ODF2: variants seen among roughly 807,000 people sequenced by gnomAD.
ODF2 encodes the protein outer dense fiber of sperm tails 2.
A neutral mutation model predicts 110.2 loss-of-function variants in ODF2; 47 were observed. The ratio of observed to expected loss-of-function variants is 0.43; its 90% CI spans 0.34 to 0.54. The LOEUF (loss-of-function observed/expected upper bound fraction) is 0.54, where lower values mean the gene tolerates loss of function less well. Among genes scored for constraint, ODF2 ranks in the 20% least tolerant of loss-of-function variants. ODF2 has a pLI of 0.03. For synonymous variants in ODF2, 352 were observed against 397.7 expected (o/e 0.89, Z 1.37); for missense variants, 812 against 1,054.5 (o/e 0.77, Z 3.19).
chr9:128,493,739 T>C (rs892255978), intron 16 of ODF2, among the ~76,000 whole-genome samples: 2 of 152,206 alleles, frequency 1.3e-5, no homozygotes, highest in African/African-American at 4.8e-5. Context: ...TCCCTTTCCC[T>C]CTGACCTGTA....
intron 1 of ODF2, chr9:128,456,469 C>T: frequency 3.9e-6 from 6 of 1,520,096 alleles, no homozygotes; most frequent in Non-Finnish European, 5.3e-6. Flanking sequence ...CGGTCGGCCG[C>T]CTCCTTCCTC....
chr9:128,469,203 G>T, exon 5 of ODF2: 1 of 1,613,968 alleles, frequency 6.2e-7, no homozygotes. Context: ...ATTGCCTGGA[G>T]ATCACGCCAC....
chr9:128,484,669 T>G, intron 11 of ODF2, 32 bp from the exon 12 acceptor site: 1 of 1,550,628 alleles, frequency 6.4e-7, no homozygotes, highest in African/African-American at 1.4e-5. Flanking sequence ...GTCTCTCTTC[T>G]CCCTCTCTTT....
At position 128,475,790 on chromosome 9, in the gene ODF2, C is replaced by T. The variant is rs572707226; in HGVS notation, c.843+2049C>T. 1.2e-4 allele frequency among the ~76,000 whole-genome samples: 18 copies of T among 151,930 alleles called. No homozygotes were observed. The South Asian group carries it at 3.6e-3, about 30-fold the overall frequency. On this transcript the variant is annotated intron_variant, in intron 8 of 20. Coordinates refer to ENST00000604420, the Ensembl canonical transcript of ODF2. Reference sequence around the variant, plus strand: ...CCTCCTGAGTAGCTGGGACTACAAGCGTGCACCACCATGCCCGGCTAATTT... The same window carrying T: ...CCTCCTGAGTAGCTGGGACTACAAGTGTGCACCACCATGCCCGGCTAATTT...
rs1208882767 is a variant in ODF2, at chr9:128,494,513, C to T, written c.1756C>T (p.Arg586Ter). The T allele has an allele frequency of 6.2e-7, 1 of 1,613,920 alleles. No homozygotes were observed. Among genetic ancestry groups the T allele is most frequent in the Non-Finnish European group, 8.5e-7 (1 of 1,179,930 alleles). Residue 586 changes from arginine to a stop codon, truncating the protein, a stop_gained, in exon 17 of 21, where the codon CGA becomes TGA. Transcript: ENST00000604420. LOFTEE classifies it high-confidence loss of function. The surrounding 1 kb of genome is among the most constrained non-coding windows in gnomAD (Gnocchi z 4.6). ...GGGTCTTTCCTTCCTGTTTCAGGCACGAAGGCAGTTCCAGTCTCAGCTGGC... is the reference window on the plus strand; with the variant it reads ...GGGTCTTTCCTTCCTGTTTCAGGCATGAAGGCAGTTCCAGTCTCAGCTGGC...
intron 5 of ODF2, among the ~76,000 whole-genome samples, chr9:128,470,215 T>C (rs1260422964): frequency 6.7e-6 from 1 of 149,872 alleles, no homozygotes; most frequent in Non-Finnish European, 1.5e-5. Context: ...ATCCAGGCCT[T>C]AGACTTGGAT....
intron 1 of ODF2, chr9:128,457,173 C>T (rs1306552807): frequency 6.6e-7 from 1 of 1,509,906 alleles, no homozygotes; most frequent in South Asian, 1.2e-5. Flanking sequence ...CGCTCAGCCT[C>T]TACTATTTCC....
intron 4 of ODF2, among the ~76,000 whole-genome samples, chr9:128,466,215 C>T (rs1837849448): frequency 1.3e-5 from 2 of 152,070 alleles, no homozygotes; most frequent in African/African-American, 4.8e-5. Context: ...CCTGTAATCC[C>T]AGCACTTTGG....
chr9:128,498,374 T>C (rs765052788), intron 18 of ODF2, 39 bp from the exon 19 acceptor site: 1 of 1,496,362 alleles, frequency 6.7e-7, no homozygotes, highest in Admixed American at 2.3e-5. Flanking sequence ...CATGACAGGT[T>C]GGGGTATGCC....
rs1039072188 is a variant in ODF2, at chr9:128,456,549, G to T, written c.-209+294G>T. 2.0e-6 allele frequency: 3 copies of T among 1,527,390 alleles called. No individual in the cohort carries two copies. The African/African-American group carries it at 4.2e-5, about 21-fold the overall frequency. 94.6% of individuals were successfully genotyped at this position (1,527,390 alleles called of 1,614,324 possible). A position where few individuals can be genotyped will look rare whatever the true frequency, so the allele number is the denominator to read the frequency against. On this transcript the variant is annotated intron_variant, in intron 1 of 20. Transcript: ENST00000604420. ...CAGGGCTTCACCTTTCTCTCTATGG[G>T]CAGAAACCGGTACCCTCCTGCCTGC... is the stretch of plus-strand genomic sequence containing the variant.
chr9:128,456,014 C>CG (rs1404250066), upstream of ODF2: 20 of 1,423,616 alleles, frequency 1.4e-5, no homozygotes, highest in Non-Finnish European at 1.7e-5. Flanking sequence ...TCTGGCGGGG[C>CG]GGGGCATCTC....
intron 20 of ODF2, 127 bp downstream of exon 20, chr9:128,499,253 C>A: frequency 9.0e-7 from 1 of 1,113,512 alleles, no homozygotes; most frequent in Non-Finnish European, 1.3e-6. Context: ...TTTCTCCAAT[C>A]ACTTTCTATC....
At chr9:128,467,069 A>G (rs1488574731) in intron 4 of ODF2, among the ~76,000 whole-genome samples, 2 of 119,364 alleles carry the variant, frequency 1.7e-5, no homozygotes, top group African/African-American at 3.1e-5. Flanking sequence ...TCATATATCA[A>G]TTAACAATGG....
intron 2 of ODF2, among the ~76,000 whole-genome samples, chr9:128,458,481 A>G (rs937942961): frequency 8.2e-5 from 12 of 146,782 alleles, no homozygotes; most frequent in Non-Finnish European, 1.5e-4. Context: ...AAAAAAAAAA[A>G]GGCCAGGAGA....
chr9:128,500,359 T>A, exon 21 of ODF2: 1 of 1,185,834 alleles, frequency 8.4e-7, no homozygotes, highest in East Asian at 2.3e-5. Context: ...AGTGAAAAAA[T>A]GGGTTCAGGG....
chr9:128,455,234 T>C (rs1834537611), upstream of ODF2: 1 of 1,535,156 alleles, frequency 6.5e-7, no homozygotes, highest in African/African-American at 1.4e-5. Flanking sequence ...AATAGGTCTG[T>C]ACACAGAGCG....
At chr9:128,488,303 T>C (rs1446624537) in intron 14 of ODF2, among the ~76,000 whole-genome samples, 1 of 152,100 alleles carries the variant, frequency 6.6e-6, no homozygotes, top group Non-Finnish European at 1.5e-5. Context: ...CATGCGCCTG[T>C]AGTCCCAGCT....
chr9:128,492,497 G>A (rs909495532), exon 15 of ODF2: 1 of 1,613,898 alleles, frequency 6.2e-7, no homozygotes, highest in Admixed American at 1.7e-5. Context: ...AGGCCTCAGT[G>A]AAGAACTATG....
chr9:128,479,391 T>C (rs1329590328), intron 8 of ODF2, among the ~76,000 whole-genome samples: 2 of 152,196 alleles, frequency 1.3e-5, no homozygotes, highest in Non-Finnish European at 2.9e-5. Context: ...ATGGCTCATA[T>C]GAGAGGATGC....
Sources: allele counts gnomAD v4.1 joint callset (sites outside exome capture counted in the v4.1 genomes callset), GRCh38; gene constraint gnomAD v4.1.1; non-coding constraint Gnocchi (gnomAD v3.1); transcripts MANE v1.5; gene names NCBI Gene and HGNC (gene_info 2026-07-23, HGNC 2026-07-21).